The following APBB1IP variants were observed in gnomAD, a reference collection of about 807,000 sequenced individuals.
APBB1IP encodes the protein amyloid beta A4 precursor protein-binding family B member 1-interacting protein.
Under a neutral mutation model 64.9 loss-of-function variants are expected in APBB1IP, and 27 were observed. That is an observed-to-expected ratio of 0.42 (90% CI 0.31 to 0.57). The LOEUF (loss-of-function observed/expected upper bound fraction) is 0.57, where lower values mean the gene tolerates loss of function less well. Among genes scored for constraint, APBB1IP ranks in the 20% least tolerant of loss-of-function variants. The pLI, the probability that APBB1IP is intolerant of heterozygous loss-of-function variation, is 0.20. For missense variants in APBB1IP, 812 were observed against 845.5 expected, an observed-to-expected ratio of 0.96 and a Z score of 0.49; for synonymous variants, 392 against 331.0, an observed-to-expected ratio of 1.18 and a Z score of -2.00.
At chr10:26,554,619 G>T (rs1004063199) in intron 11 of APBB1IP, among the ~76,000 whole-genome samples, 2 of 152,126 alleles carry the variant, frequency 1.3e-5, no homozygotes, top group South Asian at 4.1e-4. Flanking sequence ...GTCTCACTCT[G>T]TTGCTCAGGC....
At chr10:26,469,364 T>C in intron 2 of APBB1IP, among the ~76,000 whole-genome samples, 1 of 146,952 alleles carries the variant, frequency 6.8e-6, no homozygotes, top group Non-Finnish European at 1.5e-5. Flanking sequence ...GCTCAAGCCA[T>C]TCTCCCAACC....
chr10:26,549,742 T>G (rs1242496225), intron 11 of APBB1IP, among the ~76,000 whole-genome samples: 1 of 151,970 alleles, frequency 6.6e-6, no homozygotes, highest in Non-Finnish European at 1.5e-5. Flanking sequence ...TCAATTTTAT[T>G]TTTTCAAAAA....
Position 26,501,022 on chromosome 10 carries a change from A to T in APBB1IP, c.364A>T (p.Ser122Cys). Reference sequence around the variant, plus strand: ...AACAAATGTTGCTGCCACTGGTATCAGCCAATATGAGGATGACTTACCACC... The same window carrying T: ...AACAAATGTTGCTGCCACTGGTATCTGCCAATATGAGGATGACTTACCACC... ...YGTNVAATGISQYEDDLPPPP... is the reference protein window; with the variant it reads ...YGTNVAATGICQYEDDLPPPP... Residue 122 changes from serine to cysteine, a missense_variant, in exon 5 of 15, where the codon AGC (serine) becomes TGC (cysteine). Around this residue, in one of 3 missense-constraint regions of APBB1IP, gnomAD observed 394 missense variants for 413.1 expected, o/e 0.95. Transcript: ENST00000376236. 1 of 1,614,172 alleles carries T rather than the reference A, an allele frequency of 6.2e-7. No individual in the cohort carries two copies. The highest frequency in any genetic ancestry group is 8.5e-7 in the Non-Finnish European group (1 of 1,180,016).
intron 9 of APBB1IP, among the ~76,000 whole-genome samples, chr10:26,534,544 A>G (rs988297046): frequency 1.3e-5 from 2 of 152,164 alleles, no homozygotes; most frequent in Non-Finnish European, 2.9e-5. Flanking sequence ...CAATTGGCTC[A>G]TGCTGGAGCC....
chr10:26,443,369 A>G (rs1835356923), intron 2 of APBB1IP, among the ~76,000 whole-genome samples: 1 of 151,414 alleles, frequency 6.6e-6, no homozygotes, highest in Non-Finnish European at 1.5e-5. Context: ...GGTTGCAGTG[A>G]GCCAAAATCA....
At chr10:26,470,332 T>C (rs1405928707) in intron 2 of APBB1IP, among the ~76,000 whole-genome samples, 1 of 151,702 alleles carries the variant, frequency 6.6e-6, no homozygotes, top group Non-Finnish European at 1.5e-5. Context: ...AGGACAGGAG[T>C]TTGAGACCAC....
chr10:26,533,354 T>G, intron 8 of APBB1IP, 85 bp from the exon 9 acceptor site: 3 of 754,192 alleles, frequency 4.0e-6, no homozygotes, highest in Non-Finnish European at 6.1e-6. Context: ...CTTAACATCT[T>G]CTTTCCAGCA....
chr10:26,470,046 G>A (rs1328066096), intron 2 of APBB1IP, among the ~76,000 whole-genome samples: 5 of 152,132 alleles, frequency 3.3e-5, no homozygotes, highest in African/African-American at 4.8e-5. Context: ...CAAGTGGCGG[G>A]GACCCTGGTC....
chr10:26,545,766 A>AAAAC (rs1288314980), intron 11 of APBB1IP, among the ~76,000 whole-genome samples: 3 of 115,060 alleles, frequency 2.6e-5, no homozygotes, highest in African/African-American at 4.0e-5. Context: ...TCTCAAAAAA[A>AAAAC]AAACAAACAA....
chr10:26,447,707 CA>C (rs1835417108), intron 2 of APBB1IP, among the ~76,000 whole-genome samples: 1 of 152,126 alleles, frequency 6.6e-6, no homozygotes, highest in Non-Finnish European at 1.5e-5. Flanking sequence ...ACATTAGAAA[CA>C]GTAAAAAGAA....
At chr10:26,543,609 AAAT>A (rs1454138107) in intron 11 of APBB1IP, among the ~76,000 whole-genome samples, 1 of 152,110 alleles carries the variant, frequency 6.6e-6, no homozygotes, top group Non-Finnish European at 1.5e-5. Context: ...GCAATTAAAA[AAAT>A]ACAACAATCC....
At chr10:26,531,045 T>TA (rs2132461428) in intron 8 of APBB1IP, among the ~76,000 whole-genome samples, 1 of 152,296 alleles carries the variant, frequency 6.6e-6, no homozygotes, top group East Asian at 1.9e-4. Context: ...TTCTTTTCAA[T>TA]AAGAATTACC....
At chr10:26,493,493 C>G (rs1017514317) in intron 3 of APBB1IP, among the ~76,000 whole-genome samples, 1 of 152,158 alleles carries the variant, frequency 6.6e-6, no homozygotes, top group African/African-American at 2.4e-5. Context: ...AACTAATAAA[C>G]GTCCATGAAA....
chr10:26,474,934 C>T (rs1835758256), intron 2 of APBB1IP, among the ~76,000 whole-genome samples: 1 of 152,228 alleles, frequency 6.6e-6, no homozygotes. Flanking sequence ...CTTGGCTTAA[C>T]ATTATCTGTT....
intron 6 of APBB1IP, among the ~76,000 whole-genome samples, chr10:26,505,890 A>G (rs1460501194): frequency 1.3e-5 from 2 of 152,062 alleles, no homozygotes; most frequent in Non-Finnish European, 2.9e-5. Flanking sequence ...ACCATCTCAC[A>G]CGTGAAGCCA....
intron 8 of APBB1IP, among the ~76,000 whole-genome samples, chr10:26,521,542 C>T (rs557680684): frequency 6.6e-6 from 1 of 152,202 alleles, no homozygotes; most frequent in East Asian, 1.9e-4. Context: ...CTGTGTCATT[C>T]TTCTTCCCTT....
chr10:26,541,053 C>T (rs2132469076), intron 10 of APBB1IP, among the ~76,000 whole-genome samples: 1 of 152,156 alleles, frequency 6.6e-6, no homozygotes, highest in Non-Finnish European at 1.5e-5. Flanking sequence ...AATGACATCT[C>T]AAGGACAGTC....
intron 2 of APBB1IP, among the ~76,000 whole-genome samples, chr10:26,491,349 C>G (rs1377412548): frequency 1.3e-5 from 2 of 152,012 alleles, no homozygotes; most frequent in Non-Finnish European, 2.9e-5. Context: ...CAGCAAATTC[C>G]TCATGTTACA....
intron 9 of APBB1IP, 115 bp from the exon 10 acceptor site, chr10:26,535,959 T>C (rs554157149): frequency 9.3e-7 from 1 of 1,080,550 alleles, no homozygotes; most frequent in South Asian, 1.7e-5. Flanking sequence ...TCGATCAGAG[T>C]TGTACACAAA....
Sources: allele counts gnomAD v4.1 joint callset (sites outside exome capture counted in the v4.1 genomes callset), GRCh38; gene constraint gnomAD v4.1.1; regional missense constraint gnomAD v4.1.1; transcripts MANE v1.5; gene names NCBI Gene and HGNC (gene_info 2026-07-23, HGNC 2026-07-21).